The following CIMAP1D variants were observed in gnomAD, a reference collection of about 807,000 sequenced individuals.
CIMAP1D encodes protein CIMAP1D.
At chr19:463,676 C>T in the CIMAP1D span, 2 of 981,040 alleles carry the variant, frequency 2.0e-6, no homozygotes, top group South Asian at 3.4e-5. Flanking sequence ...GGGTCACAGC[C>T]CCCAGGGACT....
At chr19:480,753 ATGG>A in the CIMAP1D span, among the ~76,000 whole-genome samples, 1 of 143,316 alleles carries the variant, frequency 7.0e-6, no homozygotes, top group Non-Finnish European at 1.5e-5. Context: ...GAGAACGATG[ATGG>A]AGAACGATGA....
chr19:481,198 G>C, the CIMAP1D span, among the ~76,000 whole-genome samples: 7 of 145,568 alleles, frequency 4.8e-5, no homozygotes, highest in Non-Finnish European at 7.4e-5. Context: ...AAGGATGATG[G>C]GGAAGGATGA....
At chr19:464,047 T>G in the CIMAP1D span, 1 of 1,587,620 alleles carries the variant, frequency 6.3e-7, no homozygotes, top group Non-Finnish European at 8.5e-7. Flanking sequence ...CCCAGCATGG[T>G]GAAGGCAGGC....
At chr19:480,826 G>A in the CIMAP1D span, among the ~76,000 whole-genome samples, 1 of 129,620 alleles carries the variant, frequency 7.7e-6, no homozygotes, top group Non-Finnish European at 1.5e-5. Flanking sequence ...GATGGGGAAG[G>A]ATGATGGAAA....
chr19:464,601 G>A, the CIMAP1D span, among the ~76,000 whole-genome samples: 12 of 152,142 alleles, frequency 7.9e-5, no homozygotes, highest in African/African-American at 2.9e-4. Context: ...CCTCCCTGCT[G>A]CCTTCCCCAG....
At chr19:467,223 C>T in the CIMAP1D span, among the ~76,000 whole-genome samples, 629 of 147,636 alleles carry the variant, frequency 4.3e-3, 4 homozygotes, top group African/African-American at 0.015. Flanking sequence ...GGTGGATGGA[C>T]GGGTGGGTAG....
the CIMAP1D span, among the ~76,000 whole-genome samples, chr19:485,274 GCA>G: frequency 6.6e-6 from 1 of 152,204 alleles, no homozygotes; most frequent in Non-Finnish European, 1.5e-5. Context: ...AGGCAGGCGC[GCA>G]CACACACGCG....
chr19:472,430 T>A, the CIMAP1D span: 1 of 1,546,180 alleles, frequency 6.5e-7, no homozygotes, highest in African/African-American at 1.4e-5. Context: ...TAGGCGGGAC[T>A]GGCCACCCTG....
chr19:473,078 A>G, the CIMAP1D span, among the ~76,000 whole-genome samples: 2 of 123,116 alleles, frequency 1.6e-5, no homozygotes, highest in African/African-American at 5.9e-5. Flanking sequence ...AGATGGGGAG[A>G]CTGAGGCCCA....
chr19:475,069 G>T, the CIMAP1D span: 1 of 268,966 alleles, frequency 3.7e-6, no homozygotes, highest in Non-Finnish European at 7.0e-6. Context: ...GGGCAGCTGG[G>T]GCCAGGGCCG....
chr19:467,886 T>C, the CIMAP1D span: 1 of 626,738 alleles, frequency 1.6e-6, no homozygotes, highest in Non-Finnish European at 2.8e-6. Flanking sequence ...CCCAGTCCCA[T>C]CTCGGAGGGG....
At chr19:486,640 A>C in the CIMAP1D span, among the ~76,000 whole-genome samples, 10,536 of 151,486 alleles carry the variant, frequency 0.07, 692 homozygotes, top group East Asian at 0.2. Context: ...TGGGGCCGGG[A>C]GCGGTGGCTC....
the CIMAP1D span, among the ~76,000 whole-genome samples, chr19:487,964 CCTGTT>C: frequency 6.6e-6 from 1 of 152,132 alleles, no homozygotes; most frequent in African/African-American, 2.4e-5. Flanking sequence ...AAACCCTTGT[CCTGTT>C]CTGTTCCGAT....
the CIMAP1D span, among the ~76,000 whole-genome samples, chr19:483,884 C>G: frequency 6.6e-6 from 1 of 152,212 alleles, no homozygotes; most frequent in African/African-American, 2.4e-5. Flanking sequence ...AGCCAGGCCC[C>G]GCTTTGCCTC....
chr19:480,503 A>AGAAGGATGATGGG, the CIMAP1D span, among the ~76,000 whole-genome samples: 4 of 101,206 alleles, frequency 4.0e-5, no homozygotes, highest in Non-Finnish European at 6.7e-5. Flanking sequence ...AGGATGATGG[A>AGAAGGATGATGGG]GAAGGATGAT....
the CIMAP1D span, among the ~76,000 whole-genome samples, chr19:467,001 T>G: frequency 4.6e-3 from 164 of 35,468 alleles, no homozygotes; most frequent in Middle Eastern, 0.021. Context: ...TGGATGAGTG[T>G]ATGGACGGGT....
the CIMAP1D span, chr19:474,727 G>T: frequency 6.5e-7 from 1 of 1,543,600 alleles, no homozygotes; most frequent in Non-Finnish European, 8.7e-7. Context: ...GTGGGGTGGA[G>T]TCGCAGCTGA....
At chr19:467,527 C>T in the CIMAP1D span, 1 of 743,566 alleles carries the variant, frequency 1.3e-6, no homozygotes, top group Non-Finnish European at 2.4e-6. Flanking sequence ...TGGATTTGAT[C>T]ACTCCAAAGA....
the CIMAP1D span, among the ~76,000 whole-genome samples, chr19:478,464 T>C: frequency 8.8e-6 from 1 of 113,396 alleles, no homozygotes; most frequent in South Asian, 3.2e-4. Flanking sequence ...GCCGACAGCA[T>C]GTTGCTGGGA....
Sources: gnomAD v4.1 joint callset for allele counts (sites outside exome capture counted in the v4.1 genomes callset) on GRCh38, gnomAD v4.1.1 for gene constraint, MANE v1.5 for transcripts, NCBI Gene and HGNC (gene_info 2026-07-23, HGNC 2026-07-21) for gene names.